POU2F1: variants seen among roughly 807,000 people sequenced by gnomAD.
The protein encoded by POU2F1 is POU domain, class 2, transcription factor 1.
Under a neutral mutation model 84.9 loss-of-function variants are expected in POU2F1, and 16 were observed. The ratio of observed to expected loss-of-function variants is 0.19; its 90% CI spans 0.13 to 0.29. The LOEUF (loss-of-function observed/expected upper bound fraction) is 0.29. Ranked by LOEUF, POU2F1 falls within the 10% of genes least tolerant of loss-of-function variation. The probability of loss-of-function intolerance (pLI) is 1.00; values close to 1 mark genes in which losing one functional copy is unlikely to be tolerated. For missense variants in POU2F1, 738 were observed against 942.6 expected (o/e 0.78, Z 2.84); for synonymous variants, 368 against 368.3 (o/e 1.00, Z 0.01).
At chr1:167,300,891 C>T (rs961654051) in intron 1 of POU2F1, among the ~76,000 whole-genome samples, 7 of 152,182 alleles carry the variant, frequency 4.6e-5, no homozygotes, top group African/African-American at 1.7e-4. Flanking sequence ...CTACCTCAGC[C>T]TCCTGAGTGG....
intron 12 of POU2F1, among the ~76,000 whole-genome samples, chr1:167,401,157 TC>T (rs1557960618): frequency 6.6e-6 from 1 of 152,194 alleles, no homozygotes; most frequent in African/African-American, 2.4e-5. Flanking sequence ...GATTCCCTGA[TC>T]CTGTCAAATA....
intron 2 of POU2F1, among the ~76,000 whole-genome samples, chr1:167,357,252 T>G (rs1658998341): frequency 6.6e-6 from 1 of 151,340 alleles, no homozygotes; most frequent in African/African-American, 2.5e-5. Flanking sequence ...GAAATGCTTT[T>G]AATTTTTCAC....
intron 2 of POU2F1, among the ~76,000 whole-genome samples, chr1:167,337,568 G>T (rs907612699): frequency 6.6e-6 from 1 of 151,930 alleles, no homozygotes; most frequent in Non-Finnish European, 1.5e-5. Flanking sequence ...TTCTGCCAAC[G>T]AAGAGGCAGC....
At chr1:167,356,168 T>TC (rs1310281980) in intron 2 of POU2F1, among the ~76,000 whole-genome samples, 4 of 141,712 alleles carry the variant, frequency 2.8e-5, no homozygotes, top group African/African-American at 7.5e-5. Flanking sequence ...TTTTTCTTTT[T>TC]TTTTTTTTTT....
intron 9 of POU2F1, among the ~76,000 whole-genome samples, chr1:167,393,130 T>G (rs928482679): frequency 6.6e-6 from 1 of 152,230 alleles, no homozygotes; most frequent in Non-Finnish European, 1.5e-5. Flanking sequence ...TTTTTTGTTA[T>G]GTTCTTTTTA....
chr1:167,292,127 T>TA (rs1653967929), intron 1 of POU2F1, among the ~76,000 whole-genome samples: 1 of 152,112 alleles, frequency 6.6e-6, no homozygotes. Context: ...TGAGGCTTTT[T>TA]ATAGATAAAG....
chr1:167,269,464 A>G (rs999500160), intron 1 of POU2F1, among the ~76,000 whole-genome samples: 3 of 152,234 alleles, frequency 2.0e-5, no homozygotes, highest in Non-Finnish European at 4.4e-5. Context: ...ATTTATTTAT[A>G]TTCTTTGAAA....
At chr1:167,238,155 A>T (rs1649642158) in intron 1 of POU2F1, among the ~76,000 whole-genome samples, 1 of 151,946 alleles carries the variant, frequency 6.6e-6, no homozygotes, top group African/African-American at 2.4e-5. Flanking sequence ...AAATTAAAAA[A>T]TTTTTTTGAG....
chr1:167,279,971 C>A (rs76748223), intron 1 of POU2F1, among the ~76,000 whole-genome samples: 2 of 151,992 alleles, frequency 1.3e-5, no homozygotes, highest in Non-Finnish European at 2.9e-5. Flanking sequence ...TTTGGGAGGT[C>A]GAGGTGGGCA....
In POU2F1 at chr1:167,224,458, TA is replaced by T. The variant is rs201335065; in HGVS notation, c.61+3508del. ...GCATGTGCTTTTAAAACAGATTTTT[TA>T]AAAAAAATTCAGAATTCTTTTTGGA... On this transcript the variant is annotated intron_variant, in intron 1 of 15. Transcript: ENST00000367866. Among the ~76,000 whole-genome samples, 1,265 of 152,240 alleles carry T rather than the reference TA, an allele frequency of 8.3e-3. 15 individuals carry two copies. Among genetic ancestry groups the T allele is most frequent in the African/African-American group, 0.029 (1,188 of 41,544 alleles).
intron 1 of POU2F1, chr1:167,329,215 C>T: frequency 6.5e-7 from 1 of 1,538,620 alleles, no homozygotes; most frequent in Non-Finnish European, 8.8e-7. Flanking sequence ...TCTTTCCCCA[C>T]CCCAAACTGC....
intron 1 of POU2F1, among the ~76,000 whole-genome samples, chr1:167,236,542 G>GA (rs1187629855): frequency 6.6e-6 from 1 of 152,070 alleles, no homozygotes; most frequent in East Asian, 1.9e-4. Context: ...TAGTTTTCCT[G>GA]AAAATTTATG....
At chr1:167,351,484 A>G (rs1658560160) in intron 2 of POU2F1, among the ~76,000 whole-genome samples, 1 of 142,192 alleles carries the variant, frequency 7.0e-6, no homozygotes. Context: ...GCGCCACTGC[A>G]CTCCAGCCTG....
intron 5 of POU2F1, among the ~76,000 whole-genome samples, chr1:167,373,498 A>C (rs1321659880): frequency 6.6e-6 from 1 of 152,156 alleles, no homozygotes; most frequent in East Asian, 1.9e-4. Context: ...GGCTATCACC[A>C]CCTGTTTCAT....
intron 1 of POU2F1, among the ~76,000 whole-genome samples, chr1:167,236,678 A>G (rs1292830693): frequency 1.3e-5 from 2 of 152,152 alleles, no homozygotes; most frequent in African/African-American, 4.8e-5. Context: ...CCTGTTAGTC[A>G]CATGCTTTAC....
intron 7 of POU2F1, among the ~76,000 whole-genome samples, chr1:167,382,195 A>G (rs916212260): frequency 3.3e-5 from 5 of 152,352 alleles, no homozygotes; most frequent in Admixed American, 2.6e-4. Flanking sequence ...TTAGATACCA[A>G]TAAGTACTAG....
At chr1:167,333,808 CCT>C (rs1205663363) in intron 2 of POU2F1, among the ~76,000 whole-genome samples, 2 of 152,102 alleles carry the variant, frequency 1.3e-5, no homozygotes, top group South Asian at 2.1e-4. Context: ...TTCTCTGTCC[CCT>C]GTTTGGACTC....
intron 1 of POU2F1, among the ~76,000 whole-genome samples, chr1:167,246,620 T>G (rs1268213663): frequency 1.3e-5 from 2 of 152,234 alleles, no homozygotes; most frequent in Non-Finnish European, 2.9e-5. Flanking sequence ...AATGATGATT[T>G]TCAGTGCTGA....
intron 9 of POU2F1, among the ~76,000 whole-genome samples, chr1:167,390,954 A>G (rs183207778): frequency 6.6e-5 from 10 of 152,364 alleles, no homozygotes; most frequent in East Asian, 1.9e-4. Context: ...AAATTAACCA[A>G]AATCCAAATT....
Sources: allele counts gnomAD v4.1 joint callset (sites outside exome capture counted in the v4.1 genomes callset), GRCh38; gene constraint gnomAD v4.1.1; transcripts MANE v1.5; gene names NCBI Gene and HGNC (gene_info 2026-07-23, HGNC 2026-07-21).